Variants in CCDC175 observed in about 807,000 individuals in gnomAD.
CCDC175 encodes coiled-coil domain containing 175.
In CCDC175, 100 loss-of-function variants were observed where a neutral mutation model predicts 114.6. The observed-to-expected ratio is 0.87, with a 90% CI of 0.74 to 1.03. CCDC175 has a LOEUF of 1.03. Ranked by LOEUF, CCDC175 falls within the 50% of genes least tolerant of loss-of-function variation. The probability of loss-of-function intolerance (pLI) is 0.00; values close to 1 mark genes in which losing one functional copy is unlikely to be tolerated. For missense variants in CCDC175, 880 were observed against 917.8 expected, an observed-to-expected ratio of 0.96 and a Z score of 0.53; for synonymous variants, 306 against 308.7, an observed-to-expected ratio of 0.99 and a Z score of 0.09.
chr14:59,564,119 G>C (rs1473170289), intron 5 of CCDC175, among the ~76,000 whole-genome samples: 1 of 152,146 alleles, frequency 6.6e-6, no homozygotes, highest in East Asian at 1.9e-4. Context: ...TACTAACAAT[G>C]ATTGTTAATA....
At chr14:59,529,862 A>T (rs1893960083) in intron 14 of CCDC175, among the ~76,000 whole-genome samples, 1 of 152,140 alleles carries the variant, frequency 6.6e-6, no homozygotes, top group Admixed American at 6.5e-5. Flanking sequence ...TGCAAGCGTA[A>T]CTGCTGGCAG....
chr14:59,532,887 G>C (rs1395904311), intron 13 of CCDC175, among the ~76,000 whole-genome samples: 2 of 152,180 alleles, frequency 1.3e-5, no homozygotes, highest in Non-Finnish European at 2.9e-5. Flanking sequence ...TAGATGTTCA[G>C]ACTCACAAAA....
rs181328409 is a variant in CCDC175, at chr14:59,551,973, G to T, written c.954-537C>A. ...AATAGGTAAACAAAGCGGCCTGGAA[G>T]ATGGAACAGGGTGGAGCCCACCACA... is the stretch of plus-strand genomic sequence containing the variant. On this transcript the variant is annotated intron_variant, in intron 7 of 19. Transcript: ENST00000537690. Among the ~76,000 whole-genome samples, 720 of 152,382 alleles carry T rather than the reference G, an allele frequency of 4.7e-3. 2 individuals are homozygous for T. Among genetic ancestry groups the T allele is most frequent in the African/African-American group, 0.016 (678 of 41,596 alleles).
intron 13 of CCDC175, among the ~76,000 whole-genome samples, chr14:59,534,767 T>C (rs923351985): frequency 6.6e-6 from 1 of 151,892 alleles, no homozygotes; most frequent in African/African-American, 2.4e-5. Context: ...GGTATCAGAG[T>C]CAGGCCTATG....
chr14:59,538,291 G>T, intron 12 of CCDC175, 137 bp from the exon 13 acceptor site: 2 of 701,518 alleles, frequency 2.9e-6, no homozygotes, highest in Non-Finnish European at 4.5e-6. Flanking sequence ...AGCAACCACT[G>T]AGAGGAATAT....
At chr14:59,559,089 T>C (rs147207800) in intron 7 of CCDC175, among the ~76,000 whole-genome samples, 2,017 of 152,280 alleles carry the variant, frequency 0.013, 18 homozygotes, top group Non-Finnish European at 0.02. Flanking sequence ...TTAGTAACCG[T>C]GGCAATTCTG....
At chr14:59,566,744 C>G (rs1377929468) in intron 4 of CCDC175, among the ~76,000 whole-genome samples, 1 of 152,128 alleles carries the variant, frequency 6.6e-6, no homozygotes, top group Non-Finnish European at 1.5e-5. Flanking sequence ...GAAATTTGCC[C>G]AGGACAGGAG....
intron 3 of CCDC175, 122 bp from the exon 4 acceptor site, chr14:59,568,502 TCTTACTCC>T (rs1896678907): frequency 9.2e-6 from 7 of 759,678 alleles, no homozygotes; most frequent in Non-Finnish European, 1.4e-5. Flanking sequence ...ATCAAGCATT[TCTTACTCC>T]CTTGGTCCCT....
chr14:59,555,487 G>GTTGTC (rs1357363828), intron 7 of CCDC175, among the ~76,000 whole-genome samples: 16 of 152,194 alleles, frequency 1.1e-4, no homozygotes, highest in African/African-American at 3.9e-4. Context: ...AGCTATTTAT[G>GTTGTC]ACAAACCCAC....
At chr14:59,569,225 A>G (rs755698529) in intron 3 of CCDC175, among the ~76,000 whole-genome samples, 8 of 152,216 alleles carry the variant, frequency 5.3e-5, no homozygotes, top group Non-Finnish European at 1.2e-4. Context: ...TGAGAGAGCT[A>G]GGACATTTTT....
At chr14:59,513,782 T>C (rs1032073225) in intron 17 of CCDC175, among the ~76,000 whole-genome samples, 3 of 152,204 alleles carry the variant, frequency 2.0e-5, no homozygotes, top group African/African-American at 7.2e-5. Context: ...CCTCTGCAGA[T>C]TTAAATGTCC....
At chr14:59,564,120 A>T (rs1956354) in intron 5 of CCDC175, among the ~76,000 whole-genome samples, 3 of 151,932 alleles carry the variant, frequency 2.0e-5, no homozygotes, top group African/African-American at 7.3e-5. Flanking sequence ...ACTAACAATG[A>T]TTGTTAATAA....
intron 19 of CCDC175, among the ~76,000 whole-genome samples, chr14:59,507,897 C>T (rs934666890): frequency 6.6e-6 from 1 of 152,186 alleles, no homozygotes; most frequent in Non-Finnish European, 1.5e-5. Flanking sequence ...ACTCAGCATT[C>T]CGCTGGAGGC....
intron 8 of CCDC175, among the ~76,000 whole-genome samples, chr14:59,545,862 C>G (rs1464840875): frequency 6.6e-6 from 1 of 152,086 alleles, no homozygotes; most frequent in African/African-American, 2.4e-5. Flanking sequence ...AAAATAGCTA[C>G]ATGAAAAAAT....
intron 7 of CCDC175, among the ~76,000 whole-genome samples, chr14:59,558,361 T>G (rs1227170598): frequency 6.6e-6 from 1 of 152,168 alleles, no homozygotes; most frequent in Non-Finnish European, 1.5e-5. Flanking sequence ...GAAAGACAAC[T>G]GTGGAGGAAG....
At chr14:59,521,147 G>A (rs1476759825) in intron 17 of CCDC175, among the ~76,000 whole-genome samples, 1 of 152,156 alleles carries the variant, frequency 6.6e-6, no homozygotes, top group African/African-American at 2.4e-5. Flanking sequence ...GATTGGGAGA[G>A]GCAAACCCAC....
intron 16 of CCDC175, among the ~76,000 whole-genome samples, chr14:59,524,002 G>GAA (rs34354745): frequency 0.012 from 1,808 of 147,544 alleles, 28 homozygotes; most frequent in African/African-American, 0.043. Flanking sequence ...AAAGAAAAAA[G>GAA]AAAAAAAAAA....
intron 8 of CCDC175, among the ~76,000 whole-genome samples, chr14:59,547,139 A>C (rs1895161337): frequency 6.6e-6 from 1 of 152,196 alleles, no homozygotes; most frequent in Admixed American, 6.5e-5. Context: ...AAATTCTCAG[A>C]TTTAAGAAGC....
intron 2 of CCDC175, among the ~76,000 whole-genome samples, chr14:59,573,856 C>T (rs1896965557): frequency 6.6e-6 from 1 of 152,122 alleles, no homozygotes; most frequent in Non-Finnish European, 1.5e-5. Context: ...CTCAAGTGAT[C>T]CACCCATCCT....
Sources: allele counts gnomAD v4.1 joint callset (sites outside exome capture counted in the v4.1 genomes callset), GRCh38; gene constraint gnomAD v4.1.1; transcripts MANE v1.5; gene names NCBI Gene and HGNC (gene_info 2026-07-23, HGNC 2026-07-21).